PHLDA1: variants seen among roughly 807,000 people sequenced by gnomAD.
PHLDA1 encodes the protein pleckstrin homology like domain family A member 1.
A neutral mutation model predicts 33.8 loss-of-function variants in PHLDA1; 28 were observed. The ratio of observed to expected loss-of-function variants is 0.83; its 90% confidence interval spans 0.61 to 1.14. PHLDA1 has a LOEUF of 1.14. Ranked by LOEUF, PHLDA1 falls within the 50% of genes most tolerant of loss-of-function variation. The pLI is 0.00. For missense variants in PHLDA1, 595 were observed against 548.6 expected, an observed-to-expected ratio of 1.08 and a Z score of -0.84; for synonymous variants, 271 against 243.6, an observed-to-expected ratio of 1.11 and a Z score of -1.05.
chr12:76,030,541 C>A (rs754696448), exon 1 of PHLDA1: 14 of 1,613,054 alleles, frequency 8.7e-6, no homozygotes, highest in South Asian at 6.6e-5. Context: ...CCCTTTCAGG[C>A]AGAGTTGGAG....
exon 2 of PHLDA1, chr12:76,029,422 A>G (rs1870844414): frequency 6.6e-6 from 1 of 152,256 alleles, no homozygotes; most frequent in African/African-American, 2.4e-5. Flanking sequence ...TTTTGAAATC[A>G]GGTATCCTTA....
Position 76,031,096 on chromosome 12 carries a change from T to C in PHLDA1, c.646A>G (p.Ser216Gly), listed in dbSNP as rs909598686. 3.1e-6 allele frequency: 5 copies of C among 1,610,134 alleles called. No homozygotes were observed. The highest frequency in any genetic ancestry group is 1.1e-5 in the South Asian group (1 of 91,086). ...TCGAGGCTGGCGACAGCGGGGCCAC[T>C]GGGTTGGGACGGCTCGGCCGGCCCC... Residue 216 changes from serine to glycine, a missense_variant, in exon 1 of 2, where the codon AGT (serine) becomes GGT (glycine). Coordinates refer to ENST00000266671, the Ensembl canonical transcript of PHLDA1. The surrounding 1 kb of genome is among the most constrained non-coding windows in gnomAD (Gnocchi z 5.4).
chr12:76,026,109 G>A lies in PHLDA1; in HGVS notation c.*4010C>T, dbSNP rs559548834. The A allele has an allele frequency of 1.4e-4, 21 of 152,258 alleles. No individual in the cohort carries two copies. The South Asian group carries it at 4.4e-3, about 32-fold the overall frequency. The allele number at this position is 152,258 out of a possible 1,614,324, so 9.4% of individuals were successfully genotyped here. On this transcript the variant is annotated 3_prime_UTR_variant, in exon 2 of 2. Transcript: ENST00000266671. ...ATCTTAGGTTGTTTTAGGCAAATAG[G>A]TGTATCTCTTGAATCACTGATGGAT...
At position 76,031,531 on chromosome 12, in the gene PHLDA1, A is replaced by T; in HGVS notation, c.211T>A (p.Trp71Arg). The stretch of plus-strand genomic sequence containing the variant: ...AGGGACAGCCGCGTCCTGATGCGCC[A>T]CAAGGTCCCGGAGCTCCGAGCTGCC... The change falls in exon 1 of 2, where the codon TGG (tryptophan) becomes AGG (arginine). Residue 71 changes from tryptophan (W) to arginine (R), a missense_variant. Transcript: ENST00000266671. This position sits in a 1 kb window ranked among gnomAD's most constrained non-coding sequence, Gnocchi z 5.4. 2.6e-6 allele frequency: 4 copies of T among 1,533,804 alleles called. No homozygotes were observed. The South Asian group carries it at 4.9e-5, about 19-fold the overall frequency.
At chr12:76,029,761 C>T (rs889641688) in exon 2 of PHLDA1, 1 of 146,752 alleles carries the variant, frequency 6.8e-6, no homozygotes, top group African/African-American at 2.5e-5. Context: ...GGTCTACATT[C>T]AGAAATGTCT....
At chr12:76,030,356 C>T (rs1051285964) in intron 1 of PHLDA1, 154 bp downstream of exon 1, 7 of 648,316 alleles carry the variant, frequency 1.1e-5, no homozygotes, top group Admixed American at 5.8e-5. Context: ...CTCTCCTGGC[C>T]CCAGCTTGTT....
Position 76,031,064 on chromosome 12 carries a change from C to A in PHLDA1, c.678G>T (p.Pro226=), listed in dbSNP as rs758318364. 2.7e-5 allele frequency: 44 copies of A among 1,610,428 alleles called. No individual in the cohort carries two copies. Among genetic ancestry groups the A allele is most frequent in the Non-Finnish European group, 3.4e-5 (40 of 1,179,920 alleles). ...AGAAGTGCAGTTCCTTGAGCTTGAC[C>A]GGCGGCTCGAGGCTGGCGACAGCGG... Residue 226 remains proline, a synonymous_variant, in exon 1 of 2, where the codon CCG becomes CCT. Coordinates refer to ENST00000266671, the Ensembl canonical transcript of PHLDA1. The surrounding 1 kb of genome is among the most constrained non-coding windows in gnomAD (Gnocchi z 5.4).
chr12:76,030,807 T>G, exon 1 of PHLDA1: 1 of 1,536,782 alleles, frequency 6.5e-7, no homozygotes, highest in Non-Finnish European at 8.8e-7. Flanking sequence ...CGGCTGCGGC[T>G]GCGGCTGCGA....
chr12:76,025,791 G>C (rs1018108477), exon 2 of PHLDA1: 6 of 152,240 alleles, frequency 3.9e-5, no homozygotes, highest in African/African-American at 1.4e-4. Flanking sequence ...TCCAGCTGCA[G>C]AGCAGTGGAG....
chr12:76,030,763 G>A, exon 1 of PHLDA1: 2 of 1,366,916 alleles, frequency 1.5e-6, no homozygotes, highest in Non-Finnish European at 2.0e-6. Flanking sequence ...TGGGGTTGCG[G>A]CTGAGGCTGA....
chr12:76,031,580 G>C lies in PHLDA1; in HGVS notation c.162C>G (p.Arg54=). 6.3e-7 allele frequency: 1 copy of C among 1,576,340 alleles called. No individual in the cohort carries two copies. The highest frequency in any genetic ancestry group is 8.6e-7 in the Non-Finnish European group (1 of 1,163,790). ...CCGGGCCTCTGCCGTCCTCTTGCGA[G>C]CGCTCACTGAAGGGCACTGGCCGGG... Residue 54 remains arginine (R), a synonymous_variant, in exon 1 of 2, where the codon CGC becomes CGG. Coordinates refer to ENST00000266671, the Ensembl canonical transcript of PHLDA1. The surrounding 1 kb of genome is among the most constrained non-coding windows in gnomAD (Gnocchi z 5.4).
chr12:76,026,261 G>A (rs1249569447), exon 2 of PHLDA1: 2 of 152,188 alleles, frequency 1.3e-5, no homozygotes, highest in Non-Finnish European at 2.9e-5. Context: ...TCCTATCTTC[G>A]TAGGATTCTG....
At chr12:76,030,362 T>G in intron 1 of PHLDA1, 148 bp downstream of exon 1, 1 of 653,798 alleles carries the variant, frequency 1.5e-6, no homozygotes, top group Non-Finnish European at 2.6e-6. Flanking sequence ...TGGCCCCAGC[T>G]TGTTTCTGTT....
Position 76,031,192 on chromosome 12 carries a change from G to A in PHLDA1, c.550C>T (p.Pro184Ser). The change falls in exon 1 of 2, where the codon CCC becomes TCC. Residue 184 changes from proline (P) to serine (S), a missense_variant. By Grantham distance (74) the Pro-to-Ser change is moderately conservative. This residue lies in a region of PHLDA1 where 328 missense variants were observed against 295.7 expected (regional missense o/e 1.11). Coordinates refer to ENST00000266671, the Ensembl canonical transcript of PHLDA1. This position sits in a 1 kb window ranked among gnomAD's most constrained non-coding sequence, Gnocchi z 5.4. ...TGCTGCTGGTGTTGCAGCTGCTTGG[G>A]CGGGATAAGCAGCAGCCCTTCCTCG... 2 of 1,613,188 alleles carry A rather than the reference G, an allele frequency of 1.2e-6. No individual in the cohort carries two copies. Among genetic ancestry groups the A allele is most frequent in the East Asian group, 4.5e-5 (2 of 44,856 alleles).
rs142177435 is a variant in PHLDA1 at position 76,030,864 on chromosome 12, T to G, written c.878A>C (p.Lys293Thr). 10 of 1,608,812 alleles carry G rather than the reference T, an allele frequency of 6.2e-6. No individual in the cohort carries two copies. In the South Asian group the frequency reaches 8.9e-5, roughly 14 times the overall value. The stretch of plus-strand genomic sequence containing the variant: ...GTGCTGCTGCTTCTGCCGCGTGGAT[T>G]TGACCGCCAGGATGGCCTGACGATT... Residue 293 changes from lysine (K) to threonine (T), a missense_variant, in exon 1 of 2, where the codon AAA (lysine) becomes ACA (threonine). Coordinates refer to ENST00000266671, the Ensembl canonical transcript of PHLDA1.
chr12:76,031,476 A>AGCG lies in PHLDA1; in HGVS notation c.263_265dup (p.Pro88dup), dbSNP rs748355634. On this transcript the variant is annotated inframe_insertion, in exon 1 of 2. Transcript: ENST00000266671. The surrounding 1 kb of genome is among the most constrained non-coding windows in gnomAD (Gnocchi z 5.4). Reference sequence around the variant, plus strand: ...GAGGAGGCTAACACGCAGGAGGCAGAGCGGCGGCGGCGGCTCTGGGTCCCG... The same window carrying AGCG: ...GAGGAGGCTAACACGCAGGAGGCAGAGCGGCGGCGGCGGCGGCTCTGGGTCCCG... 13 of 1,526,396 alleles carry AGCG rather than the reference A, an allele frequency of 8.5e-6. No individual in the cohort carries two copies. The highest frequency in any genetic ancestry group is 2.1e-5 in the Admixed American group (1 of 47,688). 94.6% of individuals were successfully genotyped at this position (1,526,396 alleles called of 1,614,324 possible). A position where few individuals can be genotyped will look rare whatever the true frequency, so the allele number is the denominator to read the frequency against.
In PHLDA1 at chr12:76,031,677, T is replaced by C; in HGVS notation, c.65A>G (p.Gln22Arg). 1.3e-6 allele frequency: 2 copies of C among 1,482,898 alleles called. No individual in the cohort carries two copies. Among genetic ancestry groups the C allele is most frequent in the East Asian group, 2.7e-5 (1 of 36,984 alleles). 91.9% of individuals were successfully genotyped at this position (1,482,898 alleles called of 1,614,324 possible). A position where few individuals can be genotyped will look rare whatever the true frequency, so the allele number is the denominator to read the frequency against. Residue 22 changes from glutamine to arginine, a missense_variant, in exon 1 of 2, where the codon CAG (glutamine) becomes CGG (arginine). Around this residue, in one of 3 missense-constraint regions of PHLDA1, gnomAD observed 263 missense variants for 232.3 expected, o/e 1.13. Transcript: ENST00000266671. This position sits in a 1 kb window ranked among gnomAD's most constrained non-coding sequence, Gnocchi z 5.4. ...GACACCCAGCGGAAAAGGCGGCTCC[T>C]GGCGCCCGCACCGCGGGGGAAAGCC...
chr12:76,030,665 G>A, exon 1 of PHLDA1: 1 of 1,276,674 alleles, frequency 7.8e-7, no homozygotes, highest in Non-Finnish European at 1.1e-6. Context: ...GAGGATGAGA[G>A]TGTGGATGTG....
exon 2 of PHLDA1, chr12:76,028,263 T>C (rs1445550111): frequency 6.6e-6 from 1 of 152,230 alleles, no homozygotes; most frequent in Non-Finnish European, 1.5e-5. Flanking sequence ...TATTCATATA[T>C]GTGTATACAT....
Sources: gnomAD v4.1 joint callset for allele counts on GRCh38, gnomAD v4.1.1 for gene constraint, gnomAD v4.1.1 regional missense constraint, Gnocchi (gnomAD v3.1) non-coding constraint, MANE v1.5 for transcripts, NCBI Gene and HGNC (gene_info 2026-07-23, HGNC 2026-07-21) for gene names.